The following SPATA13 variants were observed in gnomAD, a reference collection of about 807,000 sequenced individuals.
The protein encoded by SPATA13 is spermatogenesis-associated protein 13.
Under a neutral mutation model 104.0 loss-of-function variants are expected in SPATA13, and 50 were observed. That is an observed-to-expected ratio of 0.48 (90% confidence interval 0.38 to 0.61). The LOEUF (loss-of-function observed/expected upper bound fraction) is 0.61. SPATA13 is among the 20% of genes least tolerant of loss of function. The pLI is 0.00. For missense variants in SPATA13, 1,524 were observed against 1,690.6 expected, an observed-to-expected ratio of 0.90 and a Z score of 1.73; for synonymous variants, 606 against 667.5, an observed-to-expected ratio of 0.91 and a Z score of 1.42.
At chr13:24,009,608 CAATT>C (rs749929647) in intron 2 of SPATA13, among the ~76,000 whole-genome samples, 1 of 152,082 alleles carries the variant, frequency 6.6e-6, no homozygotes, top group Non-Finnish European at 1.5e-5. Context: ...TTCTGAATGG[CAATT>C]GATTGAAAGA....
chr13:24,153,416 G>T (rs1034518054), intron 3 of SPATA13, among the ~76,000 whole-genome samples: 1 of 152,194 alleles, frequency 6.6e-6, no homozygotes, highest in African/African-American at 2.4e-5. Flanking sequence ...ACTTGTTCTT[G>T]TCAGGTAGAC....
chr13:23,987,276 G>A (rs953602035), intron 2 of SPATA13, among the ~76,000 whole-genome samples: 4 of 152,038 alleles, frequency 2.6e-5, no homozygotes, highest in Admixed American at 6.5e-5. Context: ...TATTTTCATG[G>A]CTAGCTATTA....
chr13:24,085,405 G>A (rs1879684640), intron 3 of SPATA13, among the ~76,000 whole-genome samples: 1 of 152,154 alleles, frequency 6.6e-6, no homozygotes, highest in African/African-American at 2.4e-5. Flanking sequence ...GGGATTACAG[G>A]TGTGAGCCAC....
intron 2 of SPATA13, among the ~76,000 whole-genome samples, chr13:23,993,989 T>A (rs1291801964): frequency 1.3e-5 from 2 of 150,488 alleles, no homozygotes; most frequent in Non-Finnish European, 1.5e-5. Context: ...TTTTTTTCTT[T>A]TTTTTTTTTG....
chr13:24,122,421 A>G, intron 3 of SPATA13: 1 of 1,593,294 alleles, frequency 6.3e-7, no homozygotes, highest in Middle Eastern at 1.7e-4. Context: ...CTTCCGCATC[A>G]TCTTCTTACC....
chr13:24,290,812 C>T lies in SPATA13; in HGVS notation c.3008C>T (p.Thr1003Ile). 6.2e-7 allele frequency: 1 copy of T among 1,614,214 alleles called. No individual in the cohort carries two copies. Among genetic ancestry groups the T allele is most frequent in the Non-Finnish European group, 8.5e-7 (1 of 1,180,042 alleles). The change falls in exon 9 of 13, where the codon ACA becomes ATA. Residue 1003 changes from threonine (T) to isoleucine (I), a missense_variant. Around this residue, in one of 2 missense-constraint regions of SPATA13, gnomAD observed 435 missense variants for 554.8 expected, o/e 0.78. Coordinates refer to ENST00000382108, the MANE Select transcript of SPATA13 (RefSeq NM_001166271.3). ...ATCGCCATCGACGGGTTCCTGCTCA[C>T]ACCAGTGCAGAAGATCTGCAAATAC... ...IDIAIDGFLL[T>I]PVQKICKYPL... is the part of the protein sequence containing the mutation.
intron 7 of SPATA13, 114 bp from the exon 8 acceptor site, chr13:24,288,885 G>A: frequency 1.1e-6 from 1 of 903,990 alleles, no homozygotes; most frequent in Non-Finnish European, 1.6e-6. Context: ...GACTCATAGA[G>A]TCTTTTTAAT....
intron 1 of SPATA13, among the ~76,000 whole-genome samples, chr13:24,169,564 G>A (rs779725911): frequency 1.3e-5 from 2 of 152,124 alleles, no homozygotes; most frequent in Non-Finnish European, 2.9e-5. Flanking sequence ...AATGAGTTGG[G>A]ACCTGCAGCC....
At chr13:24,046,463 A>G (rs987762989) in intron 3 of SPATA13, among the ~76,000 whole-genome samples, 1 of 148,098 alleles carries the variant, frequency 6.8e-6, no homozygotes, top group East Asian at 1.9e-4. Flanking sequence ...GTTTAAATTT[A>G]TTGTAGGGAT....
At chr13:24,292,241 T>C (rs1381906945) in intron 9 of SPATA13, among the ~76,000 whole-genome samples, 1 of 152,246 alleles carries the variant, frequency 6.6e-6, no homozygotes, top group East Asian at 1.9e-4. Flanking sequence ...CCATTCAGCA[T>C]TGGAATGTGC....
chr13:24,065,786 G>C (rs906109107), intron 3 of SPATA13, among the ~76,000 whole-genome samples: 1 of 152,222 alleles, frequency 6.6e-6, no homozygotes, highest in Non-Finnish European at 1.5e-5. Context: ...TAGTTCTTTC[G>C]ACAATGCTGT....
intron 2 of SPATA13, among the ~76,000 whole-genome samples, chr13:24,007,055 C>G: frequency 6.6e-6 from 1 of 152,146 alleles, no homozygotes; most frequent in South Asian, 2.1e-4. Flanking sequence ...GTGCACAAGG[C>G]CTCCCGTCCA....
Position 24,290,816 on chromosome 13 carries a change from A to G in SPATA13, c.3012A>G (p.Pro1004=), listed in dbSNP as rs999302601. 1 of 1,614,058 alleles carries G rather than the reference A, an allele frequency of 6.2e-7. No individual in the cohort carries two copies. Among genetic ancestry groups the G allele is most frequent in the African/African-American group, 1.3e-5 (1 of 74,924 alleles). Residue 1004 remains proline, a synonymous_variant, in exon 9 of 13, where the codon CCA becomes CCG. Transcript: ENST00000382108. ...DIAIDGFLLT[P]VQKICKYPLQ... ...CCATCGACGGGTTCCTGCTCACACC[A>G]GTGCAGAAGATCTGCAAATACCCGC... is the stretch of plus-strand genomic sequence containing the variant.
chr13:24,305,326 C>G lies in SPATA13; in HGVS notation c.*2553C>G, dbSNP rs778761009. The G allele has an allele frequency of 2.0e-5, 3 of 152,320 alleles. No individual in the cohort carries two copies. The highest frequency in any genetic ancestry group is 4.4e-5 in the Non-Finnish European group (3 of 68,018). The allele number at this position is 152,320 out of a possible 1,614,324, so 9.4% of individuals were successfully genotyped here. ...GTCAGGTTCAATTCGTTGCCCCTGT[C>G]AGTTTTATAGAGTGTGAGGGTCACT... On this transcript the variant is annotated 3_prime_UTR_variant, in exon 13 of 13. Transcript: ENST00000382108.
chr13:24,098,239 GAAATA>G (rs1880143768), intron 3 of SPATA13, among the ~76,000 whole-genome samples: 1 of 152,008 alleles, frequency 6.6e-6, no homozygotes, highest in Non-Finnish European at 1.5e-5. Context: ...AAAATAAACA[GAAATA>G]AAATAAAAAG....
chr13:24,058,450 T>G (rs1315048740), intron 3 of SPATA13, among the ~76,000 whole-genome samples: 3 of 151,792 alleles, frequency 2.0e-5, no homozygotes, highest in Admixed American at 2.0e-4. Flanking sequence ...GCTTTAGAGT[T>G]TTTGCCTTGG....
intron 7 of SPATA13, among the ~76,000 whole-genome samples, chr13:24,287,212 G>A (rs1466140636): frequency 2.0e-5 from 3 of 152,134 alleles, no homozygotes; most frequent in Non-Finnish European, 4.4e-5. Context: ...GCAGACTGGA[G>A]TACAGTGGCG....
chr13:24,126,944 G>A lies in SPATA13; in HGVS notation c.-111-95875G>A, dbSNP rs188597445. On this transcript the variant is annotated intron_variant, in intron 3 of 14. Transcript: ENST00000424834. ...TCTAGAGATCATAATGGGAAGACTG[G>A]AGATTGTGAAATCAAACAAAAATGG... Among the ~76,000 whole-genome samples the A allele has an allele frequency of 2.7e-3, 405 of 152,300 alleles. 1 individual carries two copies. Among genetic ancestry groups the A allele is most frequent in the South Asian group, 8.1e-3 (39 of 4,826 alleles).
intron 9 of SPATA13, among the ~76,000 whole-genome samples, chr13:24,291,462 G>T (rs1876340550): frequency 6.6e-6 from 1 of 152,156 alleles, no homozygotes; most frequent in South Asian, 2.1e-4. Flanking sequence ...GATTGTCAGG[G>T]GTGCAAACCC....
Sources: gnomAD v4.1 joint callset for allele counts (sites outside exome capture counted in the v4.1 genomes callset) on GRCh38, gnomAD v4.1.1 for gene constraint, gnomAD v4.1.1 regional missense constraint, MANE v1.5 for transcripts, NCBI Gene and HGNC (gene_info 2026-07-23, HGNC 2026-07-21) for gene names.